The following PDSS2 variants were observed in gnomAD, a reference collection of about 807,000 sequenced individuals.
PDSS2 encodes all trans-polyprenyl-diphosphate synthase PDSS2.
PDSS2 carries 31 observed loss-of-function variants against 44.5 expected under a neutral mutation model. The observed-to-expected ratio is 0.70, with a 90% CI of 0.52 to 0.94. The LOEUF is 0.94. Ranked by LOEUF, PDSS2 falls within the 40% of genes least tolerant of loss-of-function variation. The pLI is 0.00. For synonymous variants in PDSS2, 157 were observed against 180.3 expected, an observed-to-expected ratio of 0.87 and a Z score of 1.03; for missense variants, 452 against 482.2, an observed-to-expected ratio of 0.94 and a Z score of 0.59.
intron 2 of PDSS2, among the ~76,000 whole-genome samples, chr6:107,297,236 T>C (rs1285651330): frequency 9.9e-5 from 15 of 152,230 alleles, no homozygotes; most frequent in Non-Finnish European, 4.4e-5. Flanking sequence ...ATTTAATGTT[T>C]ATGCCTCAGT....
intron 6 of PDSS2, among the ~76,000 whole-genome samples, chr6:107,194,083 G>A (rs1582765798): frequency 6.6e-6 from 1 of 152,192 alleles, no homozygotes; most frequent in Non-Finnish European, 1.5e-5. Context: ...TCTGGCAGGA[G>A]TGGATGTCAC....
intron 2 of PDSS2, among the ~76,000 whole-genome samples, chr6:107,291,479 C>T (rs1324639173): frequency 6.7e-6 from 1 of 150,118 alleles, no homozygotes; most frequent in East Asian, 2.0e-4. Flanking sequence ...TCCTCAGTAG[C>T]TGGGATTACA....
At chr6:107,155,537 T>C (rs1206784153) in intron 7 of PDSS2, among the ~76,000 whole-genome samples, 1 of 151,970 alleles carries the variant, frequency 6.6e-6, no homozygotes, top group Non-Finnish European at 1.5e-5. Context: ...CAATAGTCCA[T>C]ATGAAAATTC....
intron 1 of PDSS2, among the ~76,000 whole-genome samples, chr6:107,415,192 A>C (rs1021190681): frequency 1.1e-4 from 17 of 152,128 alleles, no homozygotes; most frequent in African/African-American, 3.9e-4. Context: ...TCTTTAGGAC[A>C]GAAAGAACTC....
At chr6:107,390,394 A>T (rs2474909) in intron 1 of PDSS2, among the ~76,000 whole-genome samples, 5,278 of 152,188 alleles carry the variant, frequency 0.035, 316 homozygotes, top group African/African-American at 0.12. Flanking sequence ...AGCAAACCCA[A>T]ACTAAGGGAC....
intron 7 of PDSS2, among the ~76,000 whole-genome samples, chr6:107,168,336 T>C (rs1554247903): frequency 1.3e-5 from 2 of 152,194 alleles, no homozygotes; most frequent in Non-Finnish European, 2.9e-5. Flanking sequence ...TTGGTAGATC[T>C]TCCTCCATCC....
intron 7 of PDSS2, among the ~76,000 whole-genome samples, chr6:107,165,691 A>G (rs1233006562): frequency 6.6e-6 from 1 of 151,838 alleles, no homozygotes; most frequent in Non-Finnish European, 1.5e-5. Context: ...GTTTTTTCCA[A>G]TTCTGTGAAG....
chr6:107,424,812 G>C (rs533236624), intron 1 of PDSS2, among the ~76,000 whole-genome samples: 1 of 152,310 alleles, frequency 6.6e-6, no homozygotes, highest in Non-Finnish European at 1.5e-5. Context: ...ATGGATTAAT[G>C]AACTGATTCC....
chr6:107,300,838 T>C (rs369545810), intron 2 of PDSS2, among the ~76,000 whole-genome samples: 2 of 152,328 alleles, frequency 1.3e-5, no homozygotes, highest in African/African-American at 2.4e-5. Context: ...CATACATACA[T>C]GTATGTGTTT....
intron 1 of PDSS2, among the ~76,000 whole-genome samples, chr6:107,363,386 T>C (rs977575458): frequency 7.9e-5 from 12 of 152,144 alleles, no homozygotes; most frequent in African/African-American, 2.7e-4. Flanking sequence ...CAGATGTGTT[T>C]GGAATTTCTT....
chr6:107,244,360 C>A (rs190869431), intron 4 of PDSS2, among the ~76,000 whole-genome samples: 144 of 152,332 alleles, frequency 9.5e-4, no homozygotes, highest in Admixed American at 1.4e-3. Context: ...TAGCTGTTGT[C>A]ATCTTCATCA....
intron 3 of PDSS2, chr6:107,264,259 G>C: frequency 3.7e-6 from 5 of 1,342,674 alleles, no homozygotes; most frequent in Non-Finnish European, 4.8e-6. Context: ...GAGCATATTT[G>C]TACAAACAAA....
chr6:107,340,529 G>A (rs565958966), intron 1 of PDSS2, among the ~76,000 whole-genome samples: 3 of 152,250 alleles, frequency 2.0e-5, no homozygotes, highest in Non-Finnish European at 4.4e-5. Flanking sequence ...ACTTCAACAC[G>A]TATGAAGGGT....
intron 7 of PDSS2, among the ~76,000 whole-genome samples, chr6:107,186,308 C>T (rs1772162044): frequency 6.6e-6 from 1 of 152,140 alleles, no homozygotes; most frequent in Non-Finnish European, 1.5e-5. Context: ...TGTCTGTGTA[C>T]AGACCACTAT....
At chr6:107,345,462 T>C (rs1778212631) in intron 1 of PDSS2, among the ~76,000 whole-genome samples, 1 of 151,666 alleles carries the variant, frequency 6.6e-6, no homozygotes, top group African/African-American at 2.4e-5. Context: ...AGATTTGTAC[T>C]TGAACAAGTG....
At chr6:107,284,289 A>G (rs1776066939) in intron 2 of PDSS2, among the ~76,000 whole-genome samples, 1 of 152,134 alleles carries the variant, frequency 6.6e-6, no homozygotes, top group Admixed American at 6.5e-5. Context: ...GCTTTTTTAA[A>G]ATTTTGGGAA....
chr6:107,316,966 A>G (rs1777222160), intron 2 of PDSS2, among the ~76,000 whole-genome samples: 1 of 152,232 alleles, frequency 6.6e-6, no homozygotes, highest in South Asian at 2.1e-4. Flanking sequence ...GATGTCAATC[A>G]TAATACAAAA....
At chr6:107,191,077 G>A (rs200693577) in intron 7 of PDSS2, among the ~76,000 whole-genome samples, 3 of 152,134 alleles carry the variant, frequency 2.0e-5, no homozygotes. Flanking sequence ...ATTTTTAGTC[G>A]AGACGGGGTT....
intron 7 of PDSS2, among the ~76,000 whole-genome samples, chr6:107,187,159 A>T (rs576381896): frequency 6.6e-6 from 1 of 152,292 alleles, no homozygotes; most frequent in South Asian, 2.1e-4. Context: ...GAAAGATATA[A>T]TCTTTCTTCT....
Sources: allele counts gnomAD v4.1 joint callset (sites outside exome capture counted in the v4.1 genomes callset), GRCh38; gene constraint gnomAD v4.1.1; transcripts MANE v1.5; gene names NCBI Gene and HGNC (gene_info 2026-07-23, HGNC 2026-07-21).